Variants in ITGB8 observed in about 807,000 individuals in gnomAD.
ITGB8 encodes integrin beta-8.
A neutral mutation model predicts 89.5 loss-of-function variants in ITGB8; 30 were observed. That is an observed-to-expected ratio of 0.34 (90% CI 0.25 to 0.45). The LOEUF (loss-of-function observed/expected upper bound fraction) is 0.45, where lower values mean the gene tolerates loss of function less well. ITGB8 is among the 20% of genes least tolerant of loss of function. The pLI is 1.00. For missense variants in ITGB8, 836 were observed against 933.3 expected (o/e 0.90, Z 1.36); for synonymous variants, 335 against 320.4 (o/e 1.05, Z -0.49).
At chr7:20,344,642 T>G (rs1005607249) in intron 1 of ITGB8, among the ~76,000 whole-genome samples, 1 of 152,190 alleles carries the variant, frequency 6.6e-6, no homozygotes, top group African/African-American at 2.4e-5. Flanking sequence ...CAGGGAGCAG[T>G]GCAGAATGGC....
chr7:20,339,402 C>T (rs992422331), intron 1 of ITGB8, among the ~76,000 whole-genome samples: 1 of 152,116 alleles, frequency 6.6e-6, no homozygotes, highest in Admixed American at 6.5e-5. Context: ...TCCTCTTTCG[C>T]AGTAAGTAAA....
intron 1 of ITGB8, among the ~76,000 whole-genome samples, chr7:20,361,512 G>C (rs1456999012): frequency 6.6e-6 from 1 of 152,168 alleles, no homozygotes; most frequent in Non-Finnish European, 1.5e-5. Context: ...AGCACAAAGA[G>C]AGCTAAAAGC....
intron 1 of ITGB8, among the ~76,000 whole-genome samples, chr7:20,337,620 C>G (rs1371176359): frequency 6.6e-6 from 1 of 152,152 alleles, no homozygotes; most frequent in African/African-American, 2.4e-5. Flanking sequence ...TAACTTCTTC[C>G]AGATCTCTTA....
intron 1 of ITGB8, among the ~76,000 whole-genome samples, chr7:20,353,948 A>AAAAG (rs1297276979): frequency 6.9e-6 from 1 of 145,880 alleles, no homozygotes; most frequent in Non-Finnish European, 1.5e-5. Flanking sequence ...AAAAAAAAAA[A>AAAAG]AAAAAAAAGA....
At chr7:20,373,056 C>T (rs1457619654) in intron 3 of ITGB8, among the ~76,000 whole-genome samples, 1 of 152,066 alleles carries the variant, frequency 6.6e-6, no homozygotes, top group Non-Finnish European at 1.5e-5. Context: ...ATGCATTGAG[C>T]TCTTAATATT....
intron 10 of ITGB8, 57 bp downstream of exon 10, chr7:20,402,183 G>C (rs953470343): frequency 7.3e-7 from 1 of 1,375,878 alleles, no homozygotes; most frequent in Non-Finnish European, 9.8e-7. Context: ...CAGCATAGAT[G>C]TTAAAGTGTC....
chr7:20,356,863 C>T (rs538093882), intron 1 of ITGB8, among the ~76,000 whole-genome samples: 62 of 92,442 alleles, frequency 6.7e-4, no homozygotes, highest in African/African-American at 2.4e-3. Context: ...AACACTGAAA[C>T]TTCTACTGTC....
intron 10 of ITGB8, among the ~76,000 whole-genome samples, chr7:20,403,092 A>T (rs1196424484): frequency 6.6e-6 from 1 of 152,244 alleles, no homozygotes; most frequent in Non-Finnish European, 1.5e-5. Flanking sequence ...ATGTAGTCTC[A>T]GCTGAAAATT....
rs34004703 is a variant in ITGB8, at chr7:20,412,953, TG to T, written c.*2957del. ...TGAAATTTTAAATTGTTAACAGAATTGAGAACTTGAACAACACTTTTAGTAC... is the reference window on the plus strand; with the variant it reads ...TGAAATTTTAAATTGTTAACAGAATTAGAACTTGAACAACACTTTTAGTAC... On this transcript the variant is annotated 3_prime_UTR_variant, in exon 14 of 14. Transcript: ENST00000222573. The T allele has an allele frequency of 0.017, 2,527 of 152,630 alleles. 34 individuals carry two copies. Among genetic ancestry groups the T allele is most frequent in the South Asian group, 0.047 (228 of 4,832 alleles). 9.5% of individuals were successfully genotyped at this position (152,630 alleles called of 1,614,324 possible). A position where few individuals can be genotyped will look rare whatever the true frequency, so the allele number is the denominator to read the frequency against.
intron 6 of ITGB8, among the ~76,000 whole-genome samples, chr7:20,383,889 G>A: frequency 6.6e-6 from 1 of 152,090 alleles, no homozygotes. Context: ...GTAATCCAAG[G>A]AATAATGTGT....
rs114562119 is a variant in ITGB8 at position 20,383,058 on chromosome 7, G to A, written c.960+1173G>A. On this transcript the variant is annotated intron_variant, in intron 6 of 13. Coordinates refer to ENST00000222573, the MANE Select transcript of ITGB8 (RefSeq NM_002214.3). The stretch of plus-strand genomic sequence containing the variant: ...TTGGGAGTGTGCTGCAGTGCACCAA[G>A]ACACCTCACACACAGTTTGGGAATC... Among the ~76,000 whole-genome samples the A allele has an allele frequency of 8.6e-3, 1,311 of 152,252 alleles. 20 individuals carry two copies. The highest frequency in any genetic ancestry group is 0.029 in the African/African-American group (1,222 of 41,516).
chr7:20,393,370 C>A (rs188355999), intron 7 of ITGB8, among the ~76,000 whole-genome samples: 8 of 152,322 alleles, frequency 5.3e-5, no homozygotes, highest in Non-Finnish European at 8.8e-5. Flanking sequence ...GAGCCCCATG[C>A]ATGCCCCTGT....
chr7:20,334,046 G>A (rs987624168), intron 1 of ITGB8, among the ~76,000 whole-genome samples: 4 of 152,178 alleles, frequency 2.6e-5, no homozygotes, highest in African/African-American at 9.6e-5. Context: ...AAAGAGACCA[G>A]AAGCTGCATA....
rs572088439 is a variant in ITGB8, at chr7:20,408,534, T to A, written c.2024-1081T>A. 3.9e-5 allele frequency among the ~76,000 whole-genome samples: 6 copies of A among 152,294 alleles called. No homozygotes were observed. In the South Asian group the frequency reaches 1.2e-3, roughly 32 times the overall value. On this transcript the variant is annotated intron_variant, in intron 12 of 13. Transcript: ENST00000222573. Reference sequence around the variant, plus strand: ...GGATTGGTTGGGCGGTCCACTATGCTAAGCCTTGGCAGGTCACCTCCGTAG... The same window carrying A: ...GGATTGGTTGGGCGGTCCACTATGCAAAGCCTTGGCAGGTCACCTCCGTAG...
In ITGB8 at chr7:20,410,093, C is replaced by A; in HGVS notation, c.*96C>A. On this transcript the variant is annotated 3_prime_UTR_variant, in exon 14 of 14. Coordinates refer to ENST00000222573, the MANE Select transcript of ITGB8 (RefSeq NM_002214.3). ...AAGTCACAGGAGGAGACAAATTGCT[C>A]ACGGTCATGCCAGTTGCTGGTTGTA... is the stretch of plus-strand genomic sequence containing the variant. 2.4e-6 allele frequency: 3 copies of A among 1,244,092 alleles called. No homozygotes were observed. Among genetic ancestry groups the A allele is most frequent in the Non-Finnish European group, 2.3e-6 (2 of 882,774 alleles). The allele number at this position is 1,244,092 out of a possible 1,614,324, so 77.1% of individuals were successfully genotyped here.
chr7:20,406,992 T>C (rs1787569432), intron 12 of ITGB8, among the ~76,000 whole-genome samples: 2 of 152,172 alleles, frequency 1.3e-5, no homozygotes, highest in African/African-American at 4.8e-5. Context: ...ACCTGAAACA[T>C]GAAAGCAAAT....
rs762336929 is a variant in ITGB8, at chr7:20,401,911, G to A, written c.1472G>A (p.Cys491Tyr). 1.7e-5 allele frequency: 27 copies of A among 1,613,552 alleles called. No individual in the cohort carries two copies. The Admixed American group carries it at 2.8e-4, about 17-fold the overall frequency. ...CVDETFLDSK[C>Y]FQCDENKCHF... is the part of the protein sequence containing the mutation. ...GATGAAACTTTTCTAGATTCCAAGT[G>A]TTTCCAGTGTGATGAGAATAAATGT... Residue 491 changes from cysteine to tyrosine, a missense_variant, in exon 10 of 14, where the codon TGT becomes TAT. Coordinates refer to ENST00000222573, the MANE Select transcript of ITGB8 (RefSeq NM_002214.3).
At chr7:20,388,085 A>T (rs555117370) in intron 6 of ITGB8, among the ~76,000 whole-genome samples, 1 of 152,298 alleles carries the variant, frequency 6.6e-6, no homozygotes, top group East Asian at 1.9e-4. Flanking sequence ...CACATTATTA[A>T]AATTCTCCCA....
intron 8 of ITGB8, among the ~76,000 whole-genome samples, chr7:20,395,475 A>G (rs1427874476): frequency 6.6e-5 from 10 of 152,234 alleles, no homozygotes; most frequent in Admixed American, 6.5e-4. Context: ...ATTTTTATCA[A>G]AAGAGTTTGA....
Sources: gnomAD v4.1 joint callset for allele counts (sites outside exome capture counted in the v4.1 genomes callset) on GRCh38, gnomAD v4.1.1 for gene constraint, MANE v1.5 for transcripts, NCBI Gene and HGNC (gene_info 2026-07-23, HGNC 2026-07-21) for gene names.